NRG3: variants seen among roughly 807,000 people sequenced by gnomAD.
NRG3 encodes pro-neuregulin-3, membrane-bound isoform.
NRG3 carries 31 observed loss-of-function variants against 66.9 expected under a neutral mutation model. The observed-to-expected ratio is 0.46, with a 90% confidence interval of 0.35 to 0.63. The LOEUF (loss-of-function observed/expected upper bound fraction) is 0.63, where lower values mean the gene tolerates loss of function less well. NRG3 is among the 20% of genes least tolerant of loss of function. The pLI is 0.00. For synonymous variants in NRG3, 393 were observed against 359.4 expected (o/e 1.09, Z -1.06); for missense variants, 910 against 878.9 (o/e 1.04, Z -0.45).
chr10:82,425,478 C>T (rs2089366909), intron 2 of NRG3, among the ~76,000 whole-genome samples: 1 of 151,850 alleles, frequency 6.6e-6, no homozygotes, highest in Admixed American at 6.6e-5. Context: ...TTTCTTTTCC[C>T]CATTAGAACT....
intron 5 of NRG3, among the ~76,000 whole-genome samples, chr10:82,956,051 G>A (rs1850014569): frequency 6.6e-6 from 1 of 151,784 alleles, no homozygotes; most frequent in Admixed American, 6.6e-5. Flanking sequence ...GCTTCCACAG[G>A]TGTTGATACC....
chr10:82,724,246 T>C (rs1427106321), intron 2 of NRG3, among the ~76,000 whole-genome samples: 1 of 151,488 alleles, frequency 6.6e-6, no homozygotes, highest in African/African-American at 2.4e-5. Flanking sequence ...AGACCAGACC[T>C]CCCTTTCATC....
chr10:82,454,377 T>C (rs1336431504), intron 2 of NRG3, among the ~76,000 whole-genome samples: 2 of 151,990 alleles, frequency 1.3e-5, no homozygotes, highest in Non-Finnish European at 2.9e-5. Context: ...TGAGGAAGAA[T>C]AGAACAGGAT....
intron 3 of NRG3, among the ~76,000 whole-genome samples, chr10:82,808,546 T>A (rs1321049242): frequency 1.3e-5 from 2 of 152,164 alleles, no homozygotes; most frequent in Non-Finnish European, 2.9e-5. Context: ...GATGATTATA[T>A]ATGTGATTAA....
chr10:82,269,571 A>G (rs2078484422), intron 1 of NRG3, among the ~76,000 whole-genome samples: 1 of 152,058 alleles, frequency 6.6e-6, no homozygotes, highest in African/African-American at 2.4e-5. Flanking sequence ...AAATGAAGAC[A>G]AGCTCTTCAT....
chr10:82,479,375 G>C (rs1193293168), intron 2 of NRG3, among the ~76,000 whole-genome samples: 5 of 152,022 alleles, frequency 3.3e-5, no homozygotes, highest in Admixed American at 2.6e-4. Context: ...GGGAAGAGAG[G>C]ATATGCACGC....
intron 1 of NRG3, among the ~76,000 whole-genome samples, chr10:82,347,660 A>G (rs2083119889): frequency 6.6e-6 from 1 of 152,096 alleles, no homozygotes. Context: ...TAATGTTGAC[A>G]GTGGGGTGTT....
Position 82,650,387 on chromosome 10 carries a change from A to G in NRG3, c.954-88190A>G, listed in dbSNP as rs140023282. On this transcript the variant is annotated intron_variant, in intron 2 of 8. Transcript: ENST00000372141. ...CTCTAAAAATGTTTTGGTACTTAAT[A>G]TGCTGCCTCCTAATTTATAGCATCT... Among the ~76,000 whole-genome samples, 763 of 152,320 alleles carry G rather than the reference A, an allele frequency of 5.0e-3. 4 individuals carry two copies. The highest frequency in any genetic ancestry group is 0.017 in the African/African-American group (719 of 41,578).
chr10:82,770,915 AC>A (rs1420057202), intron 3 of NRG3, among the ~76,000 whole-genome samples: 1 of 152,174 alleles, frequency 6.6e-6, no homozygotes, highest in African/African-American at 2.4e-5. Context: ...GAAAAAATAA[AC>A]AGGCAGCTGC....
intron 4 of NRG3, among the ~76,000 whole-genome samples, chr10:82,893,386 A>G (rs1190222245): frequency 2.0e-5 from 3 of 152,220 alleles, no homozygotes; most frequent in South Asian, 2.1e-4. Context: ...AAATTAGGAT[A>G]TATTTAGAAT....
At chr10:82,334,886 C>G (rs910501000) in intron 1 of NRG3, among the ~76,000 whole-genome samples, 1 of 151,812 alleles carries the variant, frequency 6.6e-6, no homozygotes, top group Non-Finnish European at 1.5e-5. Context: ...TTTACCAAAA[C>G]AAAAAAAATA....
At chr10:82,187,896 A>G (rs2073901355) in intron 1 of NRG3, among the ~76,000 whole-genome samples, 1 of 152,162 alleles carries the variant, frequency 6.6e-6, no homozygotes, top group Non-Finnish European at 1.5e-5. Context: ...GAAATACTCA[A>G]AGAACTCTAT....
intron 1 of NRG3, among the ~76,000 whole-genome samples, chr10:82,027,277 T>C (rs2132833124): frequency 1.3e-5 from 2 of 152,234 alleles, no homozygotes; most frequent in East Asian, 3.9e-4. Flanking sequence ...GAAAGGTAAA[T>C]GTCAGTGTTC....
At chr10:82,126,454 G>A (rs1340884850) in intron 1 of NRG3, among the ~76,000 whole-genome samples, 1 of 151,932 alleles carries the variant, frequency 6.6e-6, no homozygotes, top group Non-Finnish European at 1.5e-5. Flanking sequence ...CAATCTTTTG[G>A]CCCAGTAGAT....
Position 82,762,548 on chromosome 10 carries a change from T to C in NRG3, c.1027+23898T>C, listed in dbSNP as rs552586856. Among the ~76,000 whole-genome samples the C allele has an allele frequency of 3.9e-5, 6 of 152,304 alleles. No individual in the cohort carries two copies. In the South Asian group the frequency reaches 1.2e-3, roughly 32 times the overall value. On this transcript the variant is annotated intron_variant, in intron 3 of 8. Transcript: ENST00000372141. ...TGAATATATAAATCAATTTGAATTATGAATAGTAATGCAGAAATGTGGAAA... is the reference window on the plus strand; with the variant it reads ...TGAATATATAAATCAATTTGAATTACGAATAGTAATGCAGAAATGTGGAAA...
At chr10:82,284,404 A>G (rs978832739) in intron 1 of NRG3, among the ~76,000 whole-genome samples, 11 of 152,240 alleles carry the variant, frequency 7.2e-5, no homozygotes, top group Non-Finnish European at 1.6e-4. Context: ...CACAGATACA[A>G]GAACAGGAAT....
intron 2 of NRG3, among the ~76,000 whole-genome samples, chr10:82,531,735 A>G (rs909256114): frequency 1.3e-5 from 2 of 151,896 alleles, no homozygotes; most frequent in Admixed American, 1.3e-4. Context: ...ATTTTTTAAA[A>G]TAACGTATTT....
At chr10:82,221,572 A>G (rs1323010340) in intron 1 of NRG3, among the ~76,000 whole-genome samples, 1 of 152,224 alleles carries the variant, frequency 6.6e-6, no homozygotes, top group East Asian at 1.9e-4. Flanking sequence ...AATGCTCATC[A>G]AAGCAGAAAA....
chr10:82,023,977 T>C (rs1397115184), intron 1 of NRG3, among the ~76,000 whole-genome samples: 1 of 152,112 alleles, frequency 6.6e-6, no homozygotes. Context: ...ATCTATCAGG[T>C]CTTGGGCTTT....
Sources: allele counts gnomAD v4.1 joint callset (sites outside exome capture counted in the v4.1 genomes callset), GRCh38; gene constraint gnomAD v4.1.1; transcripts MANE v1.5; gene names NCBI Gene and HGNC (gene_info 2026-07-23, HGNC 2026-07-21).